Variants in KLHL29 observed in about 807,000 individuals in gnomAD.
KLHL29 encodes kelch like family member 29, also known as kelch-like protein 29.
KLHL29 carries 21 observed loss-of-function variants against 80.4 expected under a neutral mutation model. The observed-to-expected ratio is 0.26, with a 90% CI of 0.19 to 0.38. The LOEUF is 0.38. KLHL29 is among the 10% of genes least tolerant of loss of function. The probability of loss-of-function intolerance (pLI) is 1.00; values close to 1 mark genes in which losing one functional copy is unlikely to be tolerated. For synonymous variants in KLHL29, 511 were observed against 526.8 expected (o/e 0.97, Z 0.41); for missense variants, 867 against 1,223.9 (o/e 0.71, Z 4.35).
intron 1 of KLHL29, among the ~76,000 whole-genome samples, chr2:23,473,001 G>A (rs1383047514): frequency 6.6e-6 from 1 of 152,230 alleles, no homozygotes; most frequent in African/African-American, 2.4e-5. Flanking sequence ...TCATAGCACA[G>A]TGCCCCCAGG....
At chr2:23,464,574 A>G (rs1403804246) in intron 1 of KLHL29, among the ~76,000 whole-genome samples, 1 of 152,080 alleles carries the variant, frequency 6.6e-6, no homozygotes, top group Non-Finnish European at 1.5e-5. Flanking sequence ...CACTGTTCAA[A>G]CAGAACACTA....
intron 1 of KLHL29, among the ~76,000 whole-genome samples, chr2:23,434,293 C>T (rs1663273325): frequency 7.3e-6 from 1 of 137,484 alleles, no homozygotes; most frequent in African/African-American, 2.8e-5. Context: ...CGCACTCCAA[C>T]CTGGGAGACA....
intron 3 of KLHL29, among the ~76,000 whole-genome samples, chr2:23,603,606 G>A (rs1668629078): frequency 6.6e-6 from 1 of 152,240 alleles, no homozygotes; most frequent in Non-Finnish European, 1.5e-5. Flanking sequence ...CTAAAAGAGG[G>A]AGATCGAGGA....
intron 3 of KLHL29, among the ~76,000 whole-genome samples, chr2:23,615,691 C>G (rs1668986781): frequency 6.6e-6 from 1 of 152,168 alleles, no homozygotes; most frequent in Non-Finnish European, 1.5e-5. Flanking sequence ...TTATTCCAGT[C>G]TAGGGGGCTT....
At chr2:23,445,859 T>A (rs959538515) in intron 1 of KLHL29, among the ~76,000 whole-genome samples, 21 of 152,246 alleles carry the variant, frequency 1.4e-4, no homozygotes, top group African/African-American at 5.1e-4. Context: ...TACACATTTT[T>A]TTCATAGGTC....
chr2:23,674,435 G>A (rs1039189729), intron 5 of KLHL29, among the ~76,000 whole-genome samples: 6 of 152,082 alleles, frequency 3.9e-5, no homozygotes, highest in African/African-American at 1.4e-4. Context: ...AACCCCTATA[G>A]AGCTCCCCTG....
At chr2:23,410,019 G>A (rs938979442) in intron 1 of KLHL29, among the ~76,000 whole-genome samples, 9 of 152,216 alleles carry the variant, frequency 5.9e-5, no homozygotes, top group African/African-American at 2.2e-4. Context: ...ATGCGAAAAG[G>A]TCAGAGAAAC....
chr2:23,576,304 CAAAAAAAAAAAAA>C (rs3086869), intron 3 of KLHL29, among the ~76,000 whole-genome samples: 1 of 131,512 alleles, frequency 7.6e-6, no homozygotes. Context: ...GACTCTATCT[CAAAAAAAAAAAAA>C]AAAAAAACGA....
At chr2:23,629,166 G>A (rs1017042808) in intron 3 of KLHL29, among the ~76,000 whole-genome samples, 12 of 152,126 alleles carry the variant, frequency 7.9e-5, no homozygotes, top group South Asian at 2.1e-4. Flanking sequence ...TGAAAGGCCC[G>A]GCCCCGCTCT....
At chr2:23,688,154 G>A (rs1269384344) in intron 6 of KLHL29, among the ~76,000 whole-genome samples, 1 of 152,162 alleles carries the variant, frequency 6.6e-6, no homozygotes, top group East Asian at 1.9e-4. Flanking sequence ...GCACAATGGC[G>A]TCACCCACAC....
At chr2:23,514,523 G>A (rs941975260) in intron 2 of KLHL29, among the ~76,000 whole-genome samples, 3 of 152,200 alleles carry the variant, frequency 2.0e-5, no homozygotes, top group Non-Finnish European at 4.4e-5. Flanking sequence ...TGCCCTGACT[G>A]GACTTTGTAG....
At chr2:23,642,990 TC>T in intron 5 of KLHL29, 140 bp downstream of exon 5, 2 of 992,330 alleles carry the variant, frequency 2.0e-6, no homozygotes, top group Non-Finnish European at 3.1e-6. Context: ...CAGTGGAGCC[TC>T]CACCTGCCCA....
At chr2:23,525,805 C>A (rs936657219) in intron 2 of KLHL29, among the ~76,000 whole-genome samples, 1 of 150,014 alleles carries the variant, frequency 6.7e-6, no homozygotes, top group African/African-American at 2.4e-5. Context: ...GTGCGCAGGA[C>A]GCCCAGTTGC....
chr2:23,394,398 C>T (rs1453599238), intron 1 of KLHL29, among the ~76,000 whole-genome samples: 3 of 152,164 alleles, frequency 2.0e-5, no homozygotes, highest in Admixed American at 2.0e-4. Flanking sequence ...CCTGTGGCAT[C>T]TCATTTTTGC....
chr2:23,480,412 G>A lies in KLHL29; in HGVS notation c.-46+4745G>A, dbSNP rs565297575. Among the ~76,000 whole-genome samples the A allele has an allele frequency of 2.3e-3, 344 of 152,250 alleles. 1 individual carries two copies. The highest frequency in any genetic ancestry group is 3.7e-3 in the Non-Finnish European group (255 of 68,014). ...TGAGGCAGGAGAGTTGCTTGAAAGT[G>A]GGAGGTGGAGGTTGCAGTGAGCTGA... On this transcript the variant is annotated intron_variant, in intron 2 of 13. Transcript: ENST00000486442.
At chr2:23,704,529 G>A (rs1336792140) in intron 13 of KLHL29, among the ~76,000 whole-genome samples, 1 of 152,230 alleles carries the variant, frequency 6.6e-6, no homozygotes, top group African/African-American at 2.4e-5. Flanking sequence ...CACTTTGGGA[G>A]GCCGAGGCGG....
At chr2:23,493,731 T>C (rs552900302) in intron 2 of KLHL29, among the ~76,000 whole-genome samples, 1 of 152,252 alleles carries the variant, frequency 6.6e-6, no homozygotes, top group African/African-American at 2.4e-5. Context: ...GTCCGTGTGG[T>C]CACTTGAACA....
At chr2:23,418,929 C>T (rs1436689083) in intron 1 of KLHL29, among the ~76,000 whole-genome samples, 1 of 152,146 alleles carries the variant, frequency 6.6e-6, no homozygotes, top group East Asian at 1.9e-4. Context: ...ATGAGTTCCA[C>T]AAGGTGCCAG....
At chr2:23,481,262 C>G (rs1465674) in intron 2 of KLHL29, among the ~76,000 whole-genome samples, 48,160 of 152,100 alleles carry the variant, frequency 0.32, 8,604 homozygotes, top group African/African-American at 0.49. Flanking sequence ...CCACCTGTAG[C>G]CTGTGTATGG....
Sources: gnomAD v4.1 joint callset for allele counts (sites outside exome capture counted in the v4.1 genomes callset) on GRCh38, gnomAD v4.1.1 for gene constraint, MANE v1.5 for transcripts, NCBI Gene and HGNC (gene_info 2026-07-23, HGNC 2026-07-21) for gene names.